SNX18: variants seen among roughly 807,000 people sequenced by gnomAD.
The protein encoded by SNX18 is sorting nexin 18.
Under a neutral mutation model 48.7 loss-of-function variants are expected in SNX18, and 35 were observed. The ratio of observed to expected loss-of-function variants is 0.72; its 90% confidence interval spans 0.55 to 0.95. The LOEUF (loss-of-function observed/expected upper bound fraction) is 0.95, where lower values mean the gene tolerates loss of function less well. Ranked by LOEUF, SNX18 falls within the 40% of genes least tolerant of loss-of-function variation. The pLI, the probability that SNX18 is intolerant of heterozygous loss-of-function variation, is 0.00. For synonymous variants in SNX18, 492 were observed against 384.7 expected (o/e 1.28, Z -3.26); for missense variants, 824 against 871.0 (o/e 0.95, Z 0.68).
chr5:54,627,125 C>A, the SNX18 span, among the ~76,000 whole-genome samples: 1 of 152,174 alleles, frequency 6.6e-6, no homozygotes, highest in African/African-American at 2.4e-5. Flanking sequence ...GATTTAGGAT[C>A]CCCTTGATGG....
At chr5:54,641,384 A>G in the SNX18 span, among the ~76,000 whole-genome samples, 1 of 152,180 alleles carries the variant, frequency 6.6e-6, no homozygotes, top group African/African-American at 2.4e-5. Flanking sequence ...CATTTAAAAG[A>G]GGTCTTTTTT....
In SNX18 at chr5:54,518,160, G is replaced by A; in HGVS notation, c.208G>A (p.Gly70Ser). 7.2e-7 allele frequency: 1 copy of A among 1,387,706 alleles called. No individual in the cohort carries two copies. Among genetic ancestry groups the A allele is most frequent in the Admixed American group, 3.7e-5 (1 of 27,174 alleles). 86.0% of individuals were successfully genotyped at this position (1,387,706 alleles called of 1,614,324 possible). A position where few individuals can be genotyped will look rare whatever the true frequency, so the allele number is the denominator to read the frequency against. Residue 70 changes from glycine to serine, a missense_variant, in exon 1 of 2, where the codon GGC becomes AGC. Gly to Ser is a moderately conservative substitution (Grantham distance 56). This residue lies in a region of SNX18 where 377 missense variants were observed against 350.6 expected (regional missense o/e 1.08). Transcript: ENST00000381410. ...RAPEPGPAGD[G>S]GPGAPARYAN... The stretch of plus-strand genomic sequence containing the variant: ...CCCCGAGCCTGGCCCGGCGGGAGAC[G>A]GCGGCCCGGGCGCCCCGGCCCGCTA...
chr5:54,637,986 GGA>G, the SNX18 span, among the ~76,000 whole-genome samples: 35,793 of 149,000 alleles, frequency 0.24, 4,511 homozygotes, highest in African/African-American at 0.33. Context: ...CTGCTGGACT[GGA>G]GAGAGAGAGA....
chr5:54,519,630 G>A (rs1761971971), intron 1 of SNX18, 57 bp downstream of exon 1: 5 of 1,614,070 alleles, frequency 3.1e-6, no homozygotes, highest in Admixed American at 1.7e-5. Flanking sequence ...GCTGAAAGGG[G>A]CGACTTTGAC....
the SNX18 span, among the ~76,000 whole-genome samples, chr5:54,603,277 G>C: frequency 1.3e-5 from 2 of 151,252 alleles, no homozygotes; most frequent in Non-Finnish European, 1.5e-5. Context: ...CTATCACTCT[G>C]TCACCCAGGC....
At chr5:54,598,501 G>A in the SNX18 span, among the ~76,000 whole-genome samples, 2 of 152,114 alleles carry the variant, frequency 1.3e-5, no homozygotes, top group African/African-American at 2.4e-5. Flanking sequence ...CTGGCAAACC[G>A]AATCCAGCAG....
chr5:54,543,003 A>T (rs960791028), intron 1 of SNX18, among the ~76,000 whole-genome samples, 176 bp from the exon 2 acceptor site: 1 of 152,164 alleles, frequency 6.6e-6, no homozygotes, highest in African/African-American at 2.4e-5. Context: ...CAGAAACTTT[A>T]CCAGATTCCT....
chr5:54,641,734 CTATA>C, the SNX18 span, among the ~76,000 whole-genome samples: 1 of 152,158 alleles, frequency 6.6e-6, no homozygotes, highest in Non-Finnish European at 1.5e-5. Context: ...GGACGCTTTG[CTATA>C]CCTCATTTTC....
At chr5:54,584,174 T>C in the SNX18 span, among the ~76,000 whole-genome samples, 7 of 149,942 alleles carry the variant, frequency 4.7e-5, no homozygotes, top group African/African-American at 1.7e-4. Flanking sequence ...CCTCAGCCTC[T>C]CAAGTAGCTG....
Position 54,518,876 on chromosome 5 carries a change from G to T in SNX18, c.924G>T (p.Pro308=), listed in dbSNP as rs761855549. Residue 308 remains proline, a synonymous_variant, in exon 1 of 2, where the codon CCG becomes CCT. Transcript: ENST00000381410. ...TGGTGCCCACGCACACGCAGGTGCC[G>T]GTGCATCGGCGCTACAAGCACTTCG... ...YKLVPTHTQV[P]VHRRYKHFDW... is the part of the protein sequence containing the mutation. 2 of 1,613,710 alleles carry T rather than the reference G, an allele frequency of 1.2e-6. No individual in the cohort carries two copies. The highest frequency in any genetic ancestry group is 1.7e-6 in the Non-Finnish European group (2 of 1,179,762).
the SNX18 span, among the ~76,000 whole-genome samples, chr5:54,579,789 C>G: frequency 6.6e-6 from 1 of 152,186 alleles, no homozygotes; most frequent in African/African-American, 2.4e-5. Context: ...ATAGCAAGGT[C>G]CACAGGAGGG....
Position 54,543,409 on chromosome 5 carries a change from C to T in SNX18, c.1852C>T (p.Leu618Phe). The change falls in exon 2 of 2, where the codon CTT becomes TTT. Residue 618 changes from leucine to phenylalanine, a missense_variant. Physicochemically the swap from Leu to Phe is conservative, Grantham distance 22 (BLOSUM62 0). Around this residue, in one of 3 missense-constraint regions of SNX18, gnomAD observed 443 missense variants for 503.6 expected, o/e 0.88. Coordinates refer to ENST00000381410, the MANE Select transcript of SNX18 (RefSeq NM_001102575.2). Reference protein sequence around the residue: ...QKVTQKLEEALHKYDSV With the variant: ...QKVTQKLEEAFHKYDSV ...AGTTACCCAGAAGTTGGAAGAAGCTCTTCACAAATATGATAGTGTTTAATG... is the reference window on the plus strand; with the variant it reads ...AGTTACCCAGAAGTTGGAAGAAGCTTTTCACAAATATGATAGTGTTTAATG... 2.5e-6 allele frequency: 4 copies of T among 1,614,092 alleles called. No homozygotes were observed. The highest frequency in any genetic ancestry group is 1.1e-5 in the South Asian group (1 of 91,080).
At chr5:54,617,367 A>G in the SNX18 span, among the ~76,000 whole-genome samples, 3 of 152,232 alleles carry the variant, frequency 2.0e-5, no homozygotes, top group Admixed American at 2.0e-4. Context: ...CAGGAAAACA[A>G]CAAGTGAAAA....
chr5:54,643,123 C>T, the SNX18 span, among the ~76,000 whole-genome samples: 7 of 152,240 alleles, frequency 4.6e-5, no homozygotes, highest in Non-Finnish European at 7.3e-5. Flanking sequence ...TTCCCAACCT[C>T]GTTTCTCGTG....
chr5:54,608,485 C>T, the SNX18 span, among the ~76,000 whole-genome samples: 110 of 152,278 alleles, frequency 7.2e-4, 1 homozygote, highest in African/African-American at 2.5e-3. Context: ...ATCCTCCCAC[C>T]TTGGCCTCCC....
At chr5:54,563,808 T>C in the SNX18 span, among the ~76,000 whole-genome samples, 2 of 152,282 alleles carry the variant, frequency 1.3e-5, no homozygotes, top group East Asian at 3.9e-4. Flanking sequence ...CTATTTGAAA[T>C]AGCTTGAGTG....
At chr5:54,598,828 A>G in the SNX18 span, among the ~76,000 whole-genome samples, 2 of 152,172 alleles carry the variant, frequency 1.3e-5, no homozygotes, top group African/African-American at 4.8e-5. Flanking sequence ...GGCACAAGAT[A>G]TGGATGCCCT....
the SNX18 span, among the ~76,000 whole-genome samples, chr5:54,598,563 C>T: frequency 4.6e-5 from 7 of 152,138 alleles, no homozygotes; most frequent in Admixed American, 1.3e-4. Flanking sequence ...TCCTGGGATG[C>T]AAGGCTGGTT....
the SNX18 span, among the ~76,000 whole-genome samples, chr5:54,593,691 G>A: frequency 4.5e-4 from 69 of 152,312 alleles, no homozygotes; most frequent in South Asian, 1.0e-3. Context: ...TGAAAGGATA[G>A]ACATATAGAC....
Sources: allele counts gnomAD v4.1 joint callset (sites outside exome capture counted in the v4.1 genomes callset), GRCh38; gene constraint gnomAD v4.1.1; regional missense constraint gnomAD v4.1.1; transcripts MANE v1.5; gene names NCBI Gene and HGNC (gene_info 2026-07-23, HGNC 2026-07-21).